The following DLG2 variants were observed in gnomAD, a reference collection of about 807,000 sequenced individuals.
The protein encoded by DLG2 is discs large MAGUK scaffold protein 2.
A neutral mutation model predicts 132.5 loss-of-function variants in DLG2; 45 were observed. That is an observed-to-expected ratio of 0.34 (90% CI 0.27 to 0.44). The LOEUF (loss-of-function observed/expected upper bound fraction) is 0.44, where lower values mean the gene tolerates loss of function less well. Ranked by LOEUF, DLG2 falls within the 20% of genes least tolerant of loss-of-function variation. DLG2 has a pLI of 1.00. For synonymous variants in DLG2, 424 were observed against 419.6 expected (o/e 1.01, Z -0.13); for missense variants, 1,045 against 1,196.9 (o/e 0.87, Z 1.87).
chr11:84,487,609 G>A (rs986529032), intron 7 of DLG2, among the ~76,000 whole-genome samples: 7 of 152,162 alleles, frequency 4.6e-5, no homozygotes, highest in African/African-American at 1.7e-4. Flanking sequence ...GAAAGATACT[G>A]TAAGTTCTGT....
At chr11:83,881,594 C>T (rs981822395) in intron 15 of DLG2, among the ~76,000 whole-genome samples, 6 of 152,156 alleles carry the variant, frequency 3.9e-5, no homozygotes, top group Admixed American at 6.6e-5. Flanking sequence ...GATCTCCCTC[C>T]AGTGTAATAG....
rs200567731 is a variant in DLG2, at chr11:84,112,006, C to CT, written c.625-12960dup. 3.6e-3 allele frequency among the ~76,000 whole-genome samples: 547 copies of CT among 151,720 alleles called. 3 individuals are homozygous for CT. Among genetic ancestry groups the CT allele is most frequent in the African/African-American group, 0.013 (519 of 41,388 alleles). ...CTGAGAATGACTTTTTTTTTAACCA[C>CT]TTTTTTTTCCCTTTTTCCCTTTTTG... On this transcript the variant is annotated intron_variant, in intron 9 of 27. Coordinates refer to ENST00000376104, the MANE Select transcript of DLG2 (RefSeq NM_001142699.3).
intron 3 of DLG2, among the ~76,000 whole-genome samples, chr11:85,589,822 C>T (rs993002433): frequency 2.1e-4 from 32 of 152,070 alleles, no homozygotes; most frequent in Admixed American, 2.1e-3. Context: ...CATCTGCCCA[C>T]ATTGTCCCCC....
rs192911974 is a variant in DLG2, at chr11:85,440,919, A to G, written c.41-155554T>C. ...TCAAAATTAATAAGATCTCAAATAG[A>G]CTTCCTCTGAGAAGCATGGTGGTAC... On this transcript the variant is annotated intron_variant, in intron 3 of 27. Transcript: ENST00000376104. Among the ~76,000 whole-genome samples, 164 of 152,304 alleles carry G rather than the reference A, an allele frequency of 1.1e-3. 1 individual carries two copies. Among genetic ancestry groups the G allele is most frequent in the African/African-American group, 3.8e-3 (158 of 41,584 alleles).
intron 7 of DLG2, among the ~76,000 whole-genome samples, chr11:84,461,857 T>C (rs1181365427): frequency 6.6e-6 from 1 of 150,854 alleles, no homozygotes; most frequent in Non-Finnish European, 1.5e-5. Flanking sequence ...TTTTATGTAT[T>C]GTGTTTCTAA....
intron 7 of DLG2, among the ~76,000 whole-genome samples, chr11:84,506,912 C>A (rs1388735949): frequency 2.0e-5 from 3 of 152,186 alleles, no homozygotes; most frequent in African/African-American, 7.2e-5. Flanking sequence ...GACAGACAAC[C>A]ATGGGGCAAC....
intron 18 of DLG2, among the ~76,000 whole-genome samples, chr11:83,659,293 A>G (rs1161471551): frequency 1.3e-5 from 2 of 152,226 alleles, no homozygotes; most frequent in Non-Finnish European, 2.9e-5. Context: ...TTAATAGTTA[A>G]TAAAACAGAG....
intron 9 of DLG2, among the ~76,000 whole-genome samples, chr11:84,118,250 G>C (rs2093733272): frequency 6.6e-6 from 1 of 152,154 alleles, no homozygotes; most frequent in Non-Finnish European, 1.5e-5. Context: ...AGATCAAGCA[G>C]TTCACCATTT....
At chr11:83,991,703 T>C (rs1323793249) in intron 11 of DLG2, among the ~76,000 whole-genome samples, 1 of 152,102 alleles carries the variant, frequency 6.6e-6, no homozygotes, top group Admixed American at 6.6e-5. Context: ...TAGTTCCACC[T>C]CTATTTCTAT....
intron 18 of DLG2, among the ~76,000 whole-genome samples, chr11:83,723,960 C>A (rs1295471403): frequency 6.6e-6 from 1 of 152,182 alleles, no homozygotes; most frequent in Non-Finnish European, 1.5e-5. Context: ...ATTCAGCTAA[C>A]CATGAGAGAG....
intron 6 of DLG2, among the ~76,000 whole-genome samples, chr11:85,060,515 G>T (rs2063978806): frequency 6.6e-6 from 1 of 150,570 alleles, no homozygotes; most frequent in South Asian, 2.1e-4. Flanking sequence ...ATGTGTGTGT[G>T]TGTATACATG....
intron 3 of DLG2, among the ~76,000 whole-genome samples, chr11:85,297,667 C>T (rs1434632372): frequency 2.6e-5 from 4 of 151,994 alleles, no homozygotes; most frequent in Admixed American, 1.3e-4. Flanking sequence ...CTGAACAATT[C>T]AGTCCCAAAG....
At chr11:83,631,828 A>G (rs2063614985) in intron 19 of DLG2, 1 of 152,120 alleles carries the variant, frequency 6.6e-6, no homozygotes, top group South Asian at 2.1e-4. Flanking sequence ...ACTTTTTCCA[A>G]TTTGCTACCA....
At chr11:83,680,734 T>C (rs944490961) in intron 18 of DLG2, among the ~76,000 whole-genome samples, 1 of 152,150 alleles carries the variant, frequency 6.6e-6, no homozygotes, top group African/African-American at 2.4e-5. Context: ...TGAAAAAATA[T>C]ATATTCCATT....
Position 83,774,977 on chromosome 11 carries a change from T to C in DLG2, c.1825+11713A>G, listed in dbSNP as rs190278803. 2.7e-5 allele frequency among the ~76,000 whole-genome samples: 4 copies of C among 150,252 alleles called. No individual in the cohort carries two copies. In the East Asian group the frequency reaches 7.7e-4, roughly 29 times the overall value. On this transcript the variant is annotated intron_variant, in intron 18 of 27. Coordinates refer to ENST00000376104, the MANE Select transcript of DLG2 (RefSeq NM_001142699.3). ...CCAAACTATTCCTAGAGCCAAACTA[T>C]TCCTAGAGCCAAGCCCAAGACTCCC...
chr11:85,467,090 C>G (rs570240434), intron 3 of DLG2, among the ~76,000 whole-genome samples: 14 of 152,272 alleles, frequency 9.2e-5, no homozygotes, highest in African/African-American at 3.1e-4. Context: ...TGGGAGTTCA[C>G]TCATGATTTG....
At chr11:84,713,666 C>T (rs1046696736) in intron 6 of DLG2, among the ~76,000 whole-genome samples, 1 of 152,006 alleles carries the variant, frequency 6.6e-6, no homozygotes, top group Non-Finnish European at 1.5e-5. Context: ...AATGTGATGA[C>T]ATATAAAGTA....
intron 11 of DLG2, among the ~76,000 whole-genome samples, chr11:84,004,669 A>G (rs1726029239): frequency 6.6e-6 from 1 of 152,026 alleles, no homozygotes; most frequent in African/African-American, 2.4e-5. Flanking sequence ...TCAGAAGGCA[A>G]TTTCATTTAC....
At position 85,096,658 on chromosome 11, in the gene DLG2, TGGGACACATTTTGGCGACCATGAA is replaced by T. The variant is rs371740580; in HGVS notation, c.357+14979_357+15002del. Among the ~76,000 whole-genome samples, 83 of 152,254 alleles carry T rather than the reference TGGGACACATTTTGGCGACCATGAA, an allele frequency of 5.5e-4. 1 individual carries two copies. Among genetic ancestry groups the T allele is most frequent in the African/African-American group, 1.7e-3 (69 of 41,548 alleles). On this transcript the variant is annotated intron_variant, in intron 6 of 27. Coordinates refer to ENST00000376104, the MANE Select transcript of DLG2 (RefSeq NM_001142699.3). ...TCTAGTCACATTTTGGCAACCCAGA[TGGGACACATTTTGGCGACCATGAA>T]GGGACACATTTTGGCGACCACGAAG...
Sources: gnomAD v4.1 joint callset for allele counts (sites outside exome capture counted in the v4.1 genomes callset) on GRCh38, gnomAD v4.1.1 for gene constraint, MANE v1.5 for transcripts, NCBI Gene and HGNC (gene_info 2026-07-23, HGNC 2026-07-21) for gene names.